The following GRIN3A variants were observed in gnomAD, a reference collection of about 807,000 sequenced individuals.
GRIN3A encodes glutamate ionotropic receptor NMDA type subunit 3A, also known as glutamate receptor ionotropic, NMDA 3A.
Under a neutral mutation model 92.4 loss-of-function variants are expected in GRIN3A, and 47 were observed. That is an observed-to-expected ratio of 0.51 (90% CI 0.40 to 0.65). The LOEUF is 0.65. Ranked by LOEUF, GRIN3A falls within the 30% of genes least tolerant of loss-of-function variation. The pLI is 0.00. For missense variants in GRIN3A, 1,324 were observed against 1,393.1 expected, an observed-to-expected ratio of 0.95 and a Z score of 0.79; for synonymous variants, 527 against 540.6, an observed-to-expected ratio of 0.97 and a Z score of 0.35.
intron 1 of GRIN3A, among the ~76,000 whole-genome samples, chr9:101,688,152 A>G (rs1223427641): frequency 1.3e-5 from 2 of 152,326 alleles, no homozygotes; most frequent in African/African-American, 4.8e-5. Context: ...TGAACATTCA[A>G]TAATATGCAT....
Position 101,670,463 on chromosome 9 carries a change from G to A in GRIN3A, c.1949C>T (p.Ser650Phe). The change falls in exon 3 of 9, where the codon TCC (serine) becomes TTC (phenylalanine). Residue 650 changes from serine to phenylalanine, a missense_variant. Transcript: ENST00000361820. Reference protein sequence around the residue: ...QVIDFTSPFFSTSLGILVRTR... With the variant: ...QVIDFTSPFFFTSLGILVRTR... ...CCTCACTAAGATGCCCAAGCTGGTG[G>A]AGAAGAAAGGGCTGGTGAAATCTAT... 6.2e-7 allele frequency: 1 copy of A among 1,614,020 alleles called. No homozygotes were observed. The highest frequency in any genetic ancestry group is 8.5e-7 in the Non-Finnish European group (1 of 1,179,956).
At chr9:101,635,015 A>G (rs566845600) in intron 3 of GRIN3A, among the ~76,000 whole-genome samples, 1 of 152,198 alleles carries the variant, frequency 6.6e-6, no homozygotes, top group African/African-American at 2.4e-5. Context: ...TACTAAGTAC[A>G]TCTTATGCTG....
chr9:101,685,393 C>G (rs999901764), intron 2 of GRIN3A, among the ~76,000 whole-genome samples: 9 of 143,870 alleles, frequency 6.3e-5, no homozygotes, highest in African/African-American at 2.1e-4. Flanking sequence ...TATGAGTTTG[C>G]CTTGTAGTCC....
intron 3 of GRIN3A, among the ~76,000 whole-genome samples, chr9:101,634,061 TG>T (rs1828747621): frequency 6.6e-6 from 1 of 151,960 alleles, no homozygotes; most frequent in Non-Finnish European, 1.5e-5. Flanking sequence ...TGGCCGGGCA[TG>T]GTGGTTTACG....
chr9:101,663,564 C>A (rs1421835539), intron 3 of GRIN3A, among the ~76,000 whole-genome samples: 1 of 151,756 alleles, frequency 6.6e-6, no homozygotes, highest in East Asian at 1.9e-4. Flanking sequence ...TTTGTGGCAG[C>A]TTTCATTATA....
chr9:101,620,335 A>G (rs1040392480), intron 5 of GRIN3A, among the ~76,000 whole-genome samples: 2 of 152,160 alleles, frequency 1.3e-5, no homozygotes, highest in Non-Finnish European at 2.9e-5. Context: ...TCGTAGGGGC[A>G]CTAATTCCAT....
intron 8 of GRIN3A, among the ~76,000 whole-genome samples, chr9:101,575,909 G>A (rs1827819825): frequency 6.6e-6 from 1 of 152,170 alleles, no homozygotes; most frequent in Admixed American, 6.5e-5. Flanking sequence ...AGCTGGACTG[G>A]TCTTCTCCAG....
chr9:101,710,874 A>G (rs552458618), intron 1 of GRIN3A, among the ~76,000 whole-genome samples: 92 of 152,336 alleles, frequency 6.0e-4, no homozygotes, highest in African/African-American at 2.1e-3. Context: ...GAATTGGAAA[A>G]TTGCAGTCTC....
chr9:101,585,752 A>G (rs776888154), intron 6 of GRIN3A, among the ~76,000 whole-genome samples: 1 of 152,140 alleles, frequency 6.6e-6, no homozygotes, highest in Non-Finnish European at 1.5e-5. Flanking sequence ...CACCTAGATT[A>G]TTGAGACAGC....
chr9:101,599,232 G>A (rs376284550), intron 6 of GRIN3A, among the ~76,000 whole-genome samples: 3 of 152,158 alleles, frequency 2.0e-5, no homozygotes, highest in East Asian at 1.9e-4. Context: ...GAAATGTTAT[G>A]TAAGAGGTGA....
chr9:101,611,594 C>G (rs1004166920), intron 6 of GRIN3A, among the ~76,000 whole-genome samples: 3 of 152,166 alleles, frequency 2.0e-5, no homozygotes, highest in African/African-American at 7.2e-5. Flanking sequence ...GTATGCTGTT[C>G]AATTTCTCTA....
intron 3 of GRIN3A, 118 bp downstream of exon 3, chr9:101,669,942 C>A: frequency 2.5e-6 from 2 of 787,866 alleles, no homozygotes; most frequent in South Asian, 1.6e-5. Context: ...AGTCTCTATA[C>A]TTGGCTGAGA....
At chr9:101,707,745 C>T (rs1280216551) in intron 1 of GRIN3A, among the ~76,000 whole-genome samples, 2 of 152,032 alleles carry the variant, frequency 1.3e-5, no homozygotes, top group Non-Finnish European at 2.9e-5. Context: ...GGCAAGCAAC[C>T]ACAGTTAAGG....
chr9:101,676,005 C>T (rs529654654), intron 2 of GRIN3A, among the ~76,000 whole-genome samples: 2 of 151,814 alleles, frequency 1.3e-5, no homozygotes, highest in Non-Finnish European at 2.9e-5. Flanking sequence ...CCTGATTTTT[C>T]TTGTCTTATT....
At chr9:101,692,617 C>G (rs1829633890) in intron 1 of GRIN3A, among the ~76,000 whole-genome samples, 1 of 152,122 alleles carries the variant, frequency 6.6e-6, no homozygotes, top group Non-Finnish European at 1.5e-5. Context: ...ATAATGTTTC[C>G]ACTGCTTTTA....
chr9:101,619,065 C>G (rs1828511735), intron 5 of GRIN3A, among the ~76,000 whole-genome samples: 1 of 152,112 alleles, frequency 6.6e-6, no homozygotes, highest in Admixed American at 6.5e-5. Flanking sequence ...GATAAATCAG[C>G]TTTATTAAGC....
In GRIN3A at chr9:101,687,045, A is replaced by C; in HGVS notation, c.855T>G (p.Asn285Lys). The C allele has an allele frequency of 1.2e-6, 2 of 1,614,142 alleles. No homozygotes were observed. Among genetic ancestry groups the C allele is most frequent in the Non-Finnish European group, 1.7e-6 (2 of 1,179,990 alleles). The change falls in exon 2 of 9, where the codon AAT becomes AAG. Residue 285 changes from asparagine to lysine, a missense_variant. Transcript: ENST00000361820. ...TAGAACCAAGGTGGAACTTGGAATTATTCTGGGTAAGGAGGAGGAAGTCGG... is the reference window on the plus strand; with the variant it reads ...TAGAACCAAGGTGGAACTTGGAATTCTTCTGGGTAAGGAGGAGGAAGTCGG... ...NITDFLLLTQ[N>K]NSKFHLGSII...
At chr9:101,712,172 T>C (rs763852682) in intron 1 of GRIN3A, among the ~76,000 whole-genome samples, 2 of 152,218 alleles carry the variant, frequency 1.3e-5, no homozygotes, top group African/African-American at 4.8e-5. Flanking sequence ...AACTACCTAA[T>C]TGACAAGTTT....
chr9:101,629,266 A>G (rs1405205428), intron 3 of GRIN3A, among the ~76,000 whole-genome samples: 2 of 152,114 alleles, frequency 1.3e-5, no homozygotes, highest in Non-Finnish European at 2.9e-5. Context: ...TTTCCCATAT[A>G]TATTATACAC....
Sources: gnomAD v4.1 joint callset for allele counts (sites outside exome capture counted in the v4.1 genomes callset) on GRCh38, gnomAD v4.1.1 for gene constraint, MANE v1.5 for transcripts, NCBI Gene and HGNC (gene_info 2026-07-23, HGNC 2026-07-21) for gene names.